Variants in BRWD1 observed in about 807,000 individuals in gnomAD.
The protein encoded by BRWD1 is bromodomain and WD repeat domain containing 1.
A neutral mutation model predicts 251.2 loss-of-function variants in BRWD1; 82 were observed. That is an observed-to-expected ratio of 0.33 (90% CI 0.27 to 0.39). The LOEUF is 0.39. Among genes scored for constraint, BRWD1 ranks in the 10% least tolerant of loss-of-function variants. BRWD1 has a pLI of 1.00. For synonymous variants in BRWD1, 918 were observed against 902.8 expected (o/e 1.02, Z -0.30); for missense variants, 2,233 against 2,711.6 (o/e 0.82, Z 3.92).
chr21:39,206,100 C>T lies in BRWD1; in HGVS notation c.4364+8G>A. The T allele has an allele frequency of 2.5e-6, 4 of 1,598,446 alleles. No individual in the cohort carries two copies. The highest frequency in any genetic ancestry group is 3.4e-6 in the Non-Finnish European group (4 of 1,174,288). On this transcript the variant is annotated splice_region_variant and intron_variant, in intron 37 of 40. Coordinates refer to ENST00000342449, the MANE Select transcript of BRWD1 (RefSeq NM_033656.4). Reference sequence around the variant, plus strand: ...ATAAATAAAGCAAGCTTGCCATAACCAGTTTACCTGATACTTTTGTTAGGC... The same window carrying T: ...ATAAATAAAGCAAGCTTGCCATAACTAGTTTACCTGATACTTTTGTTAGGC...
chr21:39,284,148 ATTTAT>A (rs2035557930), intron 8 of BRWD1, among the ~76,000 whole-genome samples: 1 of 152,106 alleles, frequency 6.6e-6, no homozygotes, highest in Admixed American at 6.6e-5. Flanking sequence ...AGAATGTATT[ATTTAT>A]TTTCTTTGGA....
chr21:39,297,120 A>C (rs1234862626), intron 5 of BRWD1: 7 of 985,298 alleles, frequency 7.1e-6, no homozygotes, highest in Non-Finnish European at 8.4e-6. Flanking sequence ...AAATGCACTA[A>C]GAAAAAAAAG....
chr21:39,311,149 G>C (rs566783022), intron 4 of BRWD1, among the ~76,000 whole-genome samples: 1 of 151,692 alleles, frequency 6.6e-6, no homozygotes, highest in African/African-American at 2.4e-5. Flanking sequence ...ACCAACAAAA[G>C]CCAAAAAATT....
At chr21:39,246,824 T>G (rs2034206668) in intron 21 of BRWD1, among the ~76,000 whole-genome samples, 1 of 152,236 alleles carries the variant, frequency 6.6e-6, no homozygotes, top group Non-Finnish European at 1.5e-5. Flanking sequence ...GGCTCACGCC[T>G]GTAATCCCAG....
chr21:39,283,640 G>A (rs2035541839), intron 8 of BRWD1, among the ~76,000 whole-genome samples: 1 of 152,156 alleles, frequency 6.6e-6, no homozygotes, highest in Admixed American at 6.5e-5. Flanking sequence ...ATTCACTAAT[G>A]AAGCCTCTAA....
chr21:39,226,720 C>A lies in BRWD1; in HGVS notation c.3209-1523G>T, dbSNP rs377502534. 2.2e-4 allele frequency among the ~76,000 whole-genome samples: 33 copies of A among 151,902 alleles called. No individual in the cohort carries two copies. In the East Asian group the frequency reaches 5.4e-3, roughly 25 times the overall value. ...ATCTTGATTACTTGTGTAGATGTTA[C>A]CAGGAGAATAATCTATAAAGAGGAG... is the stretch of plus-strand genomic sequence containing the variant. On this transcript the variant is annotated intron_variant, in intron 27 of 40. Transcript: ENST00000342449.
At chr21:39,255,326 C>T (rs1055317891) in intron 19 of BRWD1, among the ~76,000 whole-genome samples, 4 of 151,852 alleles carry the variant, frequency 2.6e-5, no homozygotes, top group Non-Finnish European at 4.4e-5. Flanking sequence ...GCAGGAGAAT[C>T]GCTTGATCCC....
At position 39,229,341 on chromosome 21, in the gene BRWD1, T is replaced by C. The variant is rs73906154; in HGVS notation, c.3096A>G (p.Gly1032=). ...LKLAFIDPAT[G]KLMDKSFSIR... ...TAGAGAAAGATTTGTCCATAAGTTT[T>C]CCAGTTGCTGGATCTATAAATGCTA... is the stretch of plus-strand genomic sequence containing the variant. The change falls in exon 26 of 41, where the codon GGA becomes GGG. Residue 1032 remains glycine (G), a synonymous_variant. Transcript: ENST00000342449. 500 of 1,603,746 alleles carry C rather than the reference T, an allele frequency of 3.1e-4. 1 individual carries two copies. In the African/African-American group the frequency reaches 5.9e-3, roughly 19 times the overall value.
At position 39,290,024 on chromosome 21, in the gene BRWD1, C is replaced by CAA. The variant is rs376359142; in HGVS notation, c.831+3785_831+3786dup. ...TGGGTGACAGAGTGAGACTCCATCT[C>CAA]AAAAAAAAAAAAAAAGAAGCTAGCA... On this transcript the variant is annotated intron_variant, in intron 8 of 40. Coordinates refer to ENST00000342449, the MANE Select transcript of BRWD1 (RefSeq NM_033656.4). 2.6e-3 allele frequency among the ~76,000 whole-genome samples: 278 copies of CAA among 108,258 alleles called. 1 individual carries two copies. The highest frequency in any genetic ancestry group is 5.0e-3 in the South Asian group (17 of 3,388). 71.0% of individuals were successfully genotyped at this position (108,258 alleles called of 152,430 possible). A position where few individuals can be genotyped will look rare whatever the true frequency, so the allele number is the denominator to read the frequency against.
At chr21:39,297,026 G>C in intron 5 of BRWD1, 8 of 985,322 alleles carry the variant, frequency 8.1e-6, no homozygotes, top group Non-Finnish European at 9.6e-6. Flanking sequence ...TAGGATCACA[G>C]AAAATCCTCT....
Position 39,199,319 on chromosome 21 carries a change from T to C in BRWD1, c.5097A>G (p.Leu1699=). 5 of 1,614,166 alleles carry C rather than the reference T, an allele frequency of 3.1e-6. No individual in the cohort carries two copies. Among genetic ancestry groups the C allele is most frequent in the Non-Finnish European group, 4.2e-6 (5 of 1,180,002 alleles). The part of the protein sequence containing the change: ...EEEELKDENQ[L]LPVSSSHTAQ... ...CAGTGTGAGAACTGGACACTGGTAA[T>C]AGTTGATTTTCATCTTTTAGCTCCT... Residue 1699 remains leucine (L), a synonymous_variant, in exon 40 of 41, where the codon CTA becomes CTG. Transcript: ENST00000342449.
chr21:39,286,422 T>TA (rs1040576921), intron 8 of BRWD1, among the ~76,000 whole-genome samples: 11 of 152,168 alleles, frequency 7.2e-5, no homozygotes, highest in Admixed American at 5.9e-4. Flanking sequence ...TTTCACAAGA[T>TA]AAACTGCAAC....
chr21:39,278,673 G>T, intron 10 of BRWD1, 70 bp downstream of exon 10: 1 of 1,204,422 alleles, frequency 8.3e-7, no homozygotes, highest in Non-Finnish European at 1.2e-6. Context: ...AAAGTTCTTA[G>T]CAACCAAGTG....
At position 39,301,952 on chromosome 21, in the gene BRWD1, CAAACCT is replaced by C. The variant is rs144142790; in HGVS notation, c.199-3376_199-3371del. 3.9e-3 allele frequency among the ~76,000 whole-genome samples: 519 copies of C among 132,960 alleles called. 7 individuals are homozygous for C. Among genetic ancestry groups the C allele is most frequent in the African/African-American group, 0.014 (509 of 36,406 alleles). The allele number at this position is 132,960 out of a possible 152,430, so 87.2% of individuals were successfully genotyped here. A position where few individuals can be genotyped will look rare whatever the true frequency, so the allele number is the denominator to read the frequency against. On this transcript the variant is annotated intron_variant, in intron 4 of 40. Coordinates refer to ENST00000342449, the MANE Select transcript of BRWD1 (RefSeq NM_033656.4). Reference sequence around the variant, plus strand: ...CCATAGCTACTGAAGTCACTGTCAACAAACCTTTGTTAAAAAGCTTTGTGTGTTTTT... The same window carrying C: ...CCATAGCTACTGAAGTCACTGTCAACTTGTTAAAAAGCTTTGTGTGTTTTT...
At chr21:39,251,015 CTG>C in intron 19 of BRWD1, 126 bp from the exon 20 acceptor site, 1 of 603,272 alleles carries the variant, frequency 1.7e-6, no homozygotes, top group Non-Finnish European at 2.8e-6. Context: ...CACAAAATCT[CTG>C]AAGTTAAAAC....
intron 4 of BRWD1, among the ~76,000 whole-genome samples, chr21:39,300,230 G>A (rs891170510): frequency 2.6e-5 from 4 of 152,064 alleles, no homozygotes; most frequent in Non-Finnish European, 1.5e-5. Context: ...ACTAAAGCCA[G>A]GGCAGCCCTG....
intron 21 of BRWD1, among the ~76,000 whole-genome samples, chr21:39,244,870 T>A (rs1369490720): frequency 1.4e-5 from 2 of 143,006 alleles, no homozygotes; most frequent in Non-Finnish European, 3.0e-5. Flanking sequence ...AACCTGACTA[T>A]CCAATTGCTT....
chr21:39,295,606 A>T (rs2035941573), intron 7 of BRWD1, 137 bp downstream of exon 7: 2 of 552,036 alleles, frequency 3.6e-6, no homozygotes, highest in Non-Finnish European at 5.8e-6. Context: ...AAAAATACAA[A>T]TTCGTGAGAC....
chr21:39,275,905 G>A (rs2035265520), intron 12 of BRWD1, among the ~76,000 whole-genome samples: 1 of 152,032 alleles, frequency 6.6e-6, no homozygotes, highest in African/African-American at 2.4e-5. Context: ...AGTGGCAGGC[G>A]CCTGTAATCC....
Sources: gnomAD v4.1 joint callset for allele counts (sites outside exome capture counted in the v4.1 genomes callset) on GRCh38, gnomAD v4.1.1 for gene constraint, MANE v1.5 for transcripts, NCBI Gene and HGNC (gene_info 2026-07-23, HGNC 2026-07-21) for gene names.